Variants in RNF128 observed in about 807,000 individuals in gnomAD.
RNF128 encodes the protein ring finger protein 128.
A neutral mutation model predicts 26.2 loss-of-function variants in RNF128; 13 were observed. The ratio of observed to expected loss-of-function variants is 0.50; its 90% CI spans 0.32 to 0.79. RNF128 has a LOEUF of 0.79. RNF128 is among the 30% of genes least tolerant of loss of function. The pLI, the probability that RNF128 is intolerant of heterozygous loss-of-function variation, is 0.03. For synonymous variants in RNF128, 149 were observed against 142.5 expected (o/e 1.05, Z -0.32); for missense variants, 315 against 349.7 (o/e 0.90, Z 0.79).
intron 1 of RNF128, among the ~76,000 whole-genome samples, chrX:106,761,320 A>G (rs369678803): frequency 4.5e-5 from 5 of 112,043 alleles, no homozygotes; most frequent in African/African-American, 1.6e-4. Context: ...GCGCTTATAC[A>G]CTGCTCGTGG....
intron 6 of RNF128, among the ~76,000 whole-genome samples, chrX:106,791,485 CTG>C (rs1304746886): frequency 1.3e-4 from 15 of 111,479 alleles, no homozygotes; most frequent in Middle Eastern, 9.3e-3. Flanking sequence ...AAGCTTCTCT[CTG>C]ATGCATTTAA....
chrX:106,778,415 T>C (rs1467109723), intron 2 of RNF128, among the ~76,000 whole-genome samples: 1 of 112,197 alleles, frequency 8.9e-6, no homozygotes, highest in Non-Finnish European at 1.9e-5. Flanking sequence ...ACAGATGCAG[T>C]TGCTTACTCC....
chrX:106,767,985 A>C (rs373074193), intron 1 of RNF128, among the ~76,000 whole-genome samples: 2 of 111,461 alleles, frequency 1.8e-5, no homozygotes, highest in Non-Finnish European at 3.8e-5. Context: ...TGTGGTTTTT[A>C]TCTTTGGTTC....
chrX:106,715,208 T>C (rs983845181), intron 1 of RNF128, among the ~76,000 whole-genome samples: 6 of 112,111 alleles, frequency 5.4e-5, no homozygotes, highest in Non-Finnish European at 1.1e-4. Context: ...CAACATTTGG[T>C]GTAGACACAT....
chrX:106,758,159 T>C (rs1353394651), intron 1 of RNF128, among the ~76,000 whole-genome samples: 2 of 111,715 alleles, frequency 1.8e-5, no homozygotes, highest in Admixed American at 9.5e-5. Flanking sequence ...GAAAAAGAAA[T>C]CAAGTAAGTA....
chrX:106,773,580 T>C (rs866830546), intron 2 of RNF128, among the ~76,000 whole-genome samples: 66 of 111,430 alleles, frequency 5.9e-4, no homozygotes, highest in African/African-American at 2.1e-3. Flanking sequence ...GTAACCACTA[T>C]TATTTTATAT....
chrX:106,696,858 G>A (rs1184673258), intron 1 of RNF128, among the ~76,000 whole-genome samples: 1 of 112,163 alleles, frequency 8.9e-6, no homozygotes, highest in African/African-American at 3.2e-5. Context: ...AATTGGAAGA[G>A]CACACACCAT....
intron 1 of RNF128, among the ~76,000 whole-genome samples, chrX:106,696,165 G>A (rs754653464): frequency 1.8e-5 from 2 of 111,790 alleles, no homozygotes; most frequent in South Asian, 7.4e-4. Flanking sequence ...GAAAAAGATA[G>A]CATAATGATC....
At chrX:106,709,700 C>T (rs971572476) in intron 1 of RNF128, among the ~76,000 whole-genome samples, 12 of 110,952 alleles carry the variant, frequency 1.1e-4, no homozygotes, top group Non-Finnish European at 2.3e-4. Flanking sequence ...GCAGATGCCA[C>T]CATGCCCAAC....
chrX:106,738,829 A>G (rs971816607), intron 1 of RNF128, among the ~76,000 whole-genome samples: 3 of 111,527 alleles, frequency 2.7e-5, no homozygotes, highest in Non-Finnish European at 5.7e-5. Context: ...TAAATAATAT[A>G]TGTACAGTGC....
At chrX:106,769,022 G>C (rs1470560812) in intron 1 of RNF128, among the ~76,000 whole-genome samples, 3 of 111,875 alleles carry the variant, frequency 2.7e-5, no homozygotes, top group Non-Finnish European at 3.8e-5. Context: ...GTGGTTGTGT[G>C]GTTTTGAGTG....
chrX:106,790,570 A>C (rs1930804973), intron 5 of RNF128, among the ~76,000 whole-genome samples: 1 of 110,966 alleles, frequency 9.0e-6, no homozygotes, highest in Non-Finnish European at 1.9e-5. Context: ...ATCTTTTACT[A>C]TTGCATAGTG....
intron 1 of RNF128, among the ~76,000 whole-genome samples, chrX:106,750,335 A>G (rs10521511): frequency 0.035 from 3,963 of 112,082 alleles, 182 homozygotes; most frequent in African/African-American, 0.12. Flanking sequence ...TTCATTGAAG[A>G]TAACTAGTGT....
At chrX:106,695,681 C>G (rs1266916942) in intron 1 of RNF128, among the ~76,000 whole-genome samples, 3 of 111,680 alleles carry the variant, frequency 2.7e-5, no homozygotes, top group African/African-American at 9.7e-5. Flanking sequence ...GAGTGACTTT[C>G]ATTTTTGTAG....
At chrX:106,748,352 C>A (rs1929822706) in intron 1 of RNF128, among the ~76,000 whole-genome samples, 2 of 112,071 alleles carry the variant, frequency 1.8e-5, no homozygotes, top group South Asian at 3.7e-4. Flanking sequence ...ACAAAATTTG[C>A]TGATAAGCAA....
chrX:106,745,123 C>T (rs1323821179), intron 1 of RNF128, among the ~76,000 whole-genome samples: 1 of 111,644 alleles, frequency 9.0e-6, no homozygotes, highest in Non-Finnish European at 1.9e-5. Flanking sequence ...TTCCTGAGGA[C>T]TCCATCTACC....
rs1157193315 is a variant in RNF128, at chrX:106,788,387, TAA to T, written c.887+388_887+389del. ...TATAATATATATTATATATTATATA[TAA>T]TATATATTATATATAATATATAATA... On this transcript the variant is annotated intron_variant, in intron 4 of 6. Transcript: ENST00000255499. 2.1e-3 allele frequency among the ~76,000 whole-genome samples: 98 copies of T among 46,931 alleles called. 1 individual carries two copies. The South Asian group carries it at 0.035, about 17-fold the overall frequency. The allele number at this position is 46,931 out of a possible 115,157, so 40.8% of individuals were successfully genotyped here.
At chrX:106,778,684 G>A (rs746796722) in intron 2 of RNF128, among the ~76,000 whole-genome samples, 1 of 111,538 alleles carries the variant, frequency 9.0e-6, no homozygotes, top group Non-Finnish European at 1.9e-5. Context: ...CTTCATCTGA[G>A]TCTTGGACCC....
At chrX:106,738,635 C>T (rs1448840484) in intron 1 of RNF128, among the ~76,000 whole-genome samples, 1 of 111,637 alleles carries the variant, frequency 9.0e-6, no homozygotes, top group Non-Finnish European at 1.9e-5. Flanking sequence ...ATGGCTATGA[C>T]CCTTTTGCTG....
Sources: gnomAD v4.1 joint callset for allele counts (sites outside exome capture counted in the v4.1 genomes callset) on GRCh38, gnomAD v4.1.1 for gene constraint, MANE v1.5 for transcripts, NCBI Gene and HGNC (gene_info 2026-07-23, HGNC 2026-07-21) for gene names.